PNPLA7: variants seen among roughly 807,000 people sequenced by gnomAD.
PNPLA7 encodes the protein patatin-like phospholipase domain-containing protein 7.
A neutral mutation model predicts 161.7 loss-of-function variants in PNPLA7; 153 were observed. The ratio of observed to expected loss-of-function variants is 0.95; its 90% CI spans 0.83 to 1.08. PNPLA7 has a LOEUF of 1.08. PNPLA7 is among the 50% of genes least tolerant of loss of function. The pLI, the probability that PNPLA7 is intolerant of heterozygous loss-of-function variation, is 0.00. For missense variants in PNPLA7, 1,739 were observed against 1,856.6 expected (o/e 0.94, Z 1.16); for synonymous variants, 809 against 782.1 (o/e 1.03, Z -0.57).
intron 14 of PNPLA7, among the ~76,000 whole-genome samples, chr9:137,502,729 G>GCGGGGGACGA (rs1157454719): frequency 1.5e-5 from 1 of 68,872 alleles, no homozygotes; most frequent in East Asian, 5.2e-4. Context: ...CGCGGGGGAC[G>GCGGGGGACGA]GGGGGGACGA....
intron 20 of PNPLA7, among the ~76,000 whole-genome samples, chr9:137,485,437 A>C (rs1262501995): frequency 6.6e-6 from 1 of 150,954 alleles, no homozygotes; most frequent in Non-Finnish European, 1.5e-5. Context: ...AAACCAGACA[A>C]ACGCTGCAGG....
chr9:137,500,800 C>G lies in PNPLA7; in HGVS notation c.1648G>C (p.Gly550Arg), dbSNP rs749612902. Residue 550 changes from glycine to arginine, a missense_variant, in exon 16 of 35, where the codon GGG (glycine) becomes CGG (arginine). Around this residue, in one of 6 missense-constraint regions of PNPLA7, gnomAD observed 481 missense variants for 450.0 expected, o/e 1.07. Transcript: ENST00000406427. The surrounding 1 kb of genome is among the most constrained non-coding windows in gnomAD (Gnocchi z 5.5). ...EDTCLFLTRP[G>R]EMVGQLAVLT... The stretch of plus-strand genomic sequence containing the variant: ...ACGGCCAGCTGGCCCACCATCTCCC[C>G]GGGGCGCGTGAGGAACAAGCAGGTG... 1.2e-6 allele frequency: 2 copies of G among 1,609,988 alleles called. No homozygotes were observed. Among genetic ancestry groups the G allele is most frequent in the African/African-American group, 1.3e-5 (1 of 74,904 alleles).
intron 11 of PNPLA7, chr9:137,516,688 T>C (rs1411803239): frequency 1.8e-5 from 4 of 227,922 alleles, no homozygotes; most frequent in Non-Finnish European, 2.9e-5. Context: ...CCTGGTGGCA[T>C]GCGCCTGTGG....
chr9:137,510,381 G>A (rs1834159106), intron 12 of PNPLA7, among the ~76,000 whole-genome samples: 1 of 152,184 alleles, frequency 6.6e-6, no homozygotes, highest in African/African-American at 2.4e-5. Flanking sequence ...CTGCCTTCTA[G>A]ATAGCAGTAG....
chr9:137,463,189 G>C (rs1430924100), intron 29 of PNPLA7: 3 of 594,100 alleles, frequency 5.0e-6, no homozygotes, highest in Non-Finnish European at 9.0e-6. Context: ...CTGACAAACA[G>C]GGCCATATGC....
rs911109634 is a variant in PNPLA7, at chr9:137,486,010, A to C, written c.2198-1274T>G. Among the ~76,000 whole-genome samples the C allele has an allele frequency of 1.7e-4, 25 of 151,050 alleles. No homozygotes were observed. The highest frequency in any genetic ancestry group is 6.1e-4 in the African/African-American group (25 of 41,162). ...TCCTGAGGCCACCGCGCCACCAGCC[A>C]CGCTCCTGCCCACGAGGGTCTCCTG... On this transcript the variant is annotated intron_variant, in intron 20 of 34. Coordinates refer to ENST00000406427, the MANE Select transcript of PNPLA7 (RefSeq NM_001098537.3). This position sits in a 1 kb window ranked among gnomAD's most constrained non-coding sequence, Gnocchi z 6.0.
intron 25 of PNPLA7, among the ~76,000 whole-genome samples, chr9:137,474,230 C>T (rs1453522226): frequency 6.6e-6 from 1 of 152,154 alleles, no homozygotes; most frequent in African/African-American, 2.4e-5. Context: ...CAAAGCGAGA[C>T]CCCGTCTCAA....
intron 30 of PNPLA7, 74 bp downstream of exon 30, chr9:137,462,611 C>G: frequency 6.4e-7 from 1 of 1,558,332 alleles, no homozygotes; most frequent in South Asian, 1.2e-5. Context: ...ACCCCCACTC[C>G]CCTGCCGCAG....
At chr9:137,514,362 C>T (rs1223798149) in intron 12 of PNPLA7, among the ~76,000 whole-genome samples, 8 of 125,136 alleles carry the variant, frequency 6.4e-5, no homozygotes, top group East Asian at 2.5e-4. Flanking sequence ...GCGGGTCACC[C>T]GGATGTTGAG....
intron 20 of PNPLA7, among the ~76,000 whole-genome samples, chr9:137,489,076 C>G (rs1321130301): frequency 1.3e-5 from 2 of 148,354 alleles, no homozygotes; most frequent in African/African-American, 5.0e-5. Context: ...CTGTGCACCC[C>G]CTGACCAGCA....
chr9:137,522,411 C>T (rs1003320030), intron 9 of PNPLA7, among the ~76,000 whole-genome samples: 18 of 151,446 alleles, frequency 1.2e-4, no homozygotes, highest in Non-Finnish European at 1.8e-4. Flanking sequence ...AGGATGGTCT[C>T]GATCTCCTGA....
chr9:137,512,234 C>A (rs144921097), intron 12 of PNPLA7, among the ~76,000 whole-genome samples: 1 of 152,386 alleles, frequency 6.6e-6, no homozygotes, highest in South Asian at 2.1e-4. Flanking sequence ...AATGTGTACA[C>A]GCTCGTGCAG....
chr9:137,540,952 C>CTCTCCATCCCATGACTCGT lies in PNPLA7; in HGVS notation c.667-249_667-231dup. On this transcript the variant is annotated intron_variant, in intron 7 of 34. Coordinates refer to ENST00000406427, the MANE Select transcript of PNPLA7 (RefSeq NM_001098537.3). The surrounding 1 kb of genome is among the most constrained non-coding windows in gnomAD (Gnocchi z 5.1). ...GGAAAACAGACGGAGGAGACCCCAC[C>CTCTCCATCCCATGACTCGT]TCTCCATCCCATGACTCGTCTTCAA... is the stretch of plus-strand genomic sequence containing the variant. 1 of 503,110 alleles carries CTCTCCATCCCATGACTCGT rather than the reference C, an allele frequency of 2.0e-6. No homozygotes were observed. The highest frequency in any genetic ancestry group is 3.6e-6 in the Non-Finnish European group (1 of 274,632). 31.2% of individuals were successfully genotyped at this position (503,110 alleles called of 1,614,324 possible). A position where few individuals can be genotyped will look rare whatever the true frequency, so the allele number is the denominator to read the frequency against.
chr9:137,538,777 C>T (rs1049778748), intron 8 of PNPLA7, among the ~76,000 whole-genome samples: 3 of 152,186 alleles, frequency 2.0e-5, no homozygotes, highest in Admixed American at 1.3e-4. Flanking sequence ...ATGGGCCAAG[C>T]GCGGTGGCTC....
chr9:137,538,104 G>A (rs1835991085), intron 8 of PNPLA7, among the ~76,000 whole-genome samples: 1 of 152,150 alleles, frequency 6.6e-6, no homozygotes, highest in African/African-American at 2.4e-5. Flanking sequence ...TCTGGTGGCT[G>A]GGACCCCACT....
intron 19 of PNPLA7, among the ~76,000 whole-genome samples, chr9:137,494,343 A>C (rs1021868955): frequency 7.2e-5 from 11 of 151,946 alleles, no homozygotes; most frequent in African/African-American, 2.7e-4. Context: ...GGCCACCAAG[A>C]AGGCAGCTGC....
Position 137,461,928 on chromosome 9 carries a change from C to A in PNPLA7, c.3756+3G>T, listed in dbSNP as rs775845842. Reference sequence around the variant, plus strand: ...TGGGCGTGGTCCGGACGCCCGTACTCACCGCACTCGCGGGCTTCTTGCTCG... The same window carrying A: ...TGGGCGTGGTCCGGACGCCCGTACTAACCGCACTCGCGGGCTTCTTGCTCG... On this transcript the variant is annotated splice_donor_region_variant and intron_variant, in intron 32 of 34. Transcript: ENST00000406427. The A allele has an allele frequency of 2.2e-5, 34 of 1,562,934 alleles. No homozygotes were observed. Among genetic ancestry groups the A allele is most frequent in the Non-Finnish European group, 2.9e-5 (34 of 1,159,844 alleles).
Position 137,524,972 on chromosome 9 carries a change from T to C in PNPLA7, c.748-2115A>G, listed in dbSNP as rs923207090. Among the ~76,000 whole-genome samples the C allele has an allele frequency of 6.6e-6, 1 of 152,218 alleles. No individual in the cohort carries two copies. Among genetic ancestry groups the C allele is most frequent in the Non-Finnish European group, 1.5e-5 (1 of 68,036 alleles). On this transcript the variant is annotated intron_variant, in intron 8 of 34. Transcript: ENST00000406427. This position sits in a 1 kb window ranked among gnomAD's most constrained non-coding sequence, Gnocchi z 4.4. ...AGTTCCCAGGAGAAAGCCCTCAAGA[T>C]CTTAGAAGCTCCTGGAAGTGTCTTT... is the stretch of plus-strand genomic sequence containing the variant.
rs181433524 is a variant in PNPLA7, at chr9:137,500,237, G to A, written c.1757+454C>T. ...GGGGCTCCTCCCCCGAGCCAGAGAC[G>A]CGTCCTCACCCACTGCCTTGCCCTT... On this transcript the variant is annotated intron_variant, in intron 16 of 34. Transcript: ENST00000406427. The surrounding 1 kb of genome is among the most constrained non-coding windows in gnomAD (Gnocchi z 5.5). Among the ~76,000 whole-genome samples the A allele has an allele frequency of 1.9e-4, 29 of 152,342 alleles. No individual in the cohort carries two copies. Among genetic ancestry groups the A allele is most frequent in the African/African-American group, 6.3e-4 (26 of 41,574 alleles).
Sources: gnomAD v4.1 joint callset for allele counts (sites outside exome capture counted in the v4.1 genomes callset) on GRCh38, gnomAD v4.1.1 for gene constraint, gnomAD v4.1.1 regional missense constraint, Gnocchi (gnomAD v3.1) non-coding constraint, MANE v1.5 for transcripts, NCBI Gene and HGNC (gene_info 2026-07-23, HGNC 2026-07-21) for gene names.